The following CPT1A variants were observed in gnomAD, a reference collection of about 807,000 sequenced individuals.
The protein encoded by CPT1A is carnitine palmitoyltransferase 1A, also known as carnitine O-palmitoyltransferase 1, liver isoform.
CPT1A carries 64 observed loss-of-function variants against 100.8 expected under a neutral mutation model. The observed-to-expected ratio is 0.63, with a 90% confidence interval of 0.52 to 0.78. CPT1A has a LOEUF of 0.78. Among genes scored for constraint, CPT1A ranks in the 30% least tolerant of loss-of-function variants. The probability of loss-of-function intolerance (pLI) is 0.00; values close to 1 mark genes in which losing one functional copy is unlikely to be tolerated. For synonymous variants in CPT1A, 363 were observed against 396.0 expected (o/e 0.92, Z 0.99); for missense variants, 802 against 1,034.1 (o/e 0.78, Z 3.08).
intron 10 of CPT1A, among the ~76,000 whole-genome samples, chr11:68,783,851 C>T (rs1377574505): frequency 6.6e-6 from 1 of 152,180 alleles, no homozygotes; most frequent in East Asian, 1.9e-4. Flanking sequence ...TGCGAGAAAA[C>T]CAAGCTCGGG....
At chr11:68,841,954 T>A (rs969289094), upstream of CPT1A, 1 of 984,226 alleles carries the variant, frequency 1.0e-6, no homozygotes, top group African/African-American at 1.8e-5. This position sits in a 1 kb window ranked among gnomAD's most constrained non-coding sequence, Gnocchi z 6.3. Context: ...TGCAGGCGGG[T>A]GACTCCCGGC....
chr11:68,774,396 G>A (rs773208778), intron 13 of CPT1A, among the ~76,000 whole-genome samples: 2 of 151,952 alleles, frequency 1.3e-5, no homozygotes, highest in African/African-American at 2.4e-5. Flanking sequence ...TTATGATGAC[G>A]TCATCACACA....
At chr11:68,774,517 A>G (rs765251603) in intron 13 of CPT1A, among the ~76,000 whole-genome samples, 46 of 151,536 alleles carry the variant, frequency 3.0e-4, no homozygotes, top group Non-Finnish European at 5.3e-4. Flanking sequence ...ATCGCTGCTC[A>G]CTGCACCTTC....
At chr11:68,799,166 G>A in intron 6 of CPT1A, 52 bp downstream of exon 6, 1 of 1,338,076 alleles carries the variant, frequency 7.5e-7, no homozygotes, top group Non-Finnish European at 1.0e-6. Flanking sequence ...CTCAAAATTA[G>A]CGTCTTCATA....
intron 14 of CPT1A, among the ~76,000 whole-genome samples, chr11:68,768,237 G>A (rs1035303078): frequency 3.4e-5 from 5 of 148,860 alleles, no homozygotes; most frequent in African/African-American, 5.1e-5. Flanking sequence ...CACCGCGCCC[G>A]GCTAATTTTT....
At chr11:68,794,674 G>T in intron 8 of CPT1A, 130 bp downstream of exon 8, 1 of 815,126 alleles carries the variant, frequency 1.2e-6, no homozygotes, top group Non-Finnish European at 2.0e-6. Flanking sequence ...GCCTCCCAAA[G>T]TGCCAAGATT....
intron 9 of CPT1A, 74 bp from the exon 10 acceptor site, chr11:68,785,084 G>T: frequency 2.2e-6 from 3 of 1,355,642 alleles, no homozygotes; most frequent in African/African-American, 1.4e-5. Flanking sequence ...ACCGTACCCT[G>T]ACTCTGCAAA....
Sources: gnomAD v4.1 joint callset for allele counts (sites outside exome capture counted in the v4.1 genomes callset) on GRCh38, gnomAD v4.1.1 for gene constraint, Gnocchi (gnomAD v3.1) non-coding constraint, MANE v1.5 for transcripts, NCBI Gene and HGNC (gene_info 2026-07-23, HGNC 2026-07-21) for gene names.